NR3C2: variants seen among roughly 807,000 people sequenced by gnomAD.
The protein encoded by NR3C2 is mineralocorticoid receptor.
NR3C2 carries 15 observed loss-of-function variants against 86.4 expected under a neutral mutation model. That is an observed-to-expected ratio of 0.17 (90% CI 0.12 to 0.27). The LOEUF is 0.27. Ranked by LOEUF, NR3C2 falls within the 10% of genes least tolerant of loss-of-function variation. The probability of loss-of-function intolerance (pLI) is 1.00; values close to 1 mark genes in which losing one functional copy is unlikely to be tolerated. For missense variants in NR3C2, 960 were observed against 1,195.6 expected, an observed-to-expected ratio of 0.80 and a Z score of 2.91; for synonymous variants, 458 against 450.5, an observed-to-expected ratio of 1.02 and a Z score of -0.21.
chr4:148,376,395 G>T (rs1746682510), intron 2 of NR3C2, among the ~76,000 whole-genome samples: 1 of 152,192 alleles, frequency 6.6e-6, no homozygotes, highest in African/African-American at 2.4e-5. Context: ...AGGGCTCAGT[G>T]TAGTGCTGCT....
chr4:148,354,521 T>C (rs754443041), intron 2 of NR3C2, among the ~76,000 whole-genome samples: 1 of 152,134 alleles, frequency 6.6e-6, no homozygotes, highest in Non-Finnish European at 1.5e-5. Context: ...CCAATGAAGA[T>C]AAATAATTGA....
rs567400828 is a variant in NR3C2, at chr4:148,352,144, T to C, written c.1757+82960A>G. Among the ~76,000 whole-genome samples, 71 of 152,306 alleles carry C rather than the reference T, an allele frequency of 4.7e-4. 1 individual carries two copies. The highest frequency in any genetic ancestry group is 1.3e-3 in the Admixed American group (20 of 15,296). On this transcript the variant is annotated intron_variant, in intron 2 of 8. Transcript: ENST00000358102. Reference sequence around the variant, plus strand: ...AACAATGAGGATGTATTTTGCGACATAAGTCCTGGGAGAACAGTGTACTAC... The same window carrying C: ...AACAATGAGGATGTATTTTGCGACACAAGTCCTGGGAGAACAGTGTACTAC...
chr4:148,178,968 A>G (rs1735522723), intron 4 of NR3C2, among the ~76,000 whole-genome samples: 2 of 151,472 alleles, frequency 1.3e-5, no homozygotes, highest in South Asian at 4.2e-4. Context: ...CAACAAAACA[A>G]AACAAAGAGA....
At chr4:148,182,180 G>A (rs1735676715) in intron 4 of NR3C2, among the ~76,000 whole-genome samples, 1 of 152,190 alleles carries the variant, frequency 6.6e-6, no homozygotes, top group African/African-American at 2.4e-5. Context: ...TAAGAAAACA[G>A]CGGTGAGATC....
chr4:148,439,129 T>C (rs910417068), intron 1 of NR3C2, among the ~76,000 whole-genome samples: 7 of 152,186 alleles, frequency 4.6e-5, no homozygotes, highest in African/African-American at 7.2e-5. Flanking sequence ...AAACAGTGAA[T>C]TGGGATCCAA....
At chr4:148,418,151 G>A in intron 2 of NR3C2, among the ~76,000 whole-genome samples, 1 of 152,194 alleles carries the variant, frequency 6.6e-6, no homozygotes, top group East Asian at 1.9e-4. Context: ...GTGTTCACAA[G>A]TGAGAAAAGA....
At chr4:148,356,125 T>G (rs1745539252) in intron 2 of NR3C2, among the ~76,000 whole-genome samples, 1 of 152,234 alleles carries the variant, frequency 6.6e-6, no homozygotes, top group Admixed American at 6.5e-5. Context: ...ACTCTCATTA[T>G]GCAAGGGAAT....
intron 3 of NR3C2, among the ~76,000 whole-genome samples, chr4:148,226,905 T>C (rs530635214): frequency 6.6e-6 from 1 of 152,310 alleles, no homozygotes; most frequent in East Asian, 1.9e-4. Flanking sequence ...TTTAAGTCTT[T>C]GGGTAGTATT....
chr4:148,196,819 T>C (rs1291904357), intron 3 of NR3C2, among the ~76,000 whole-genome samples: 7 of 152,142 alleles, frequency 4.6e-5, no homozygotes, highest in African/African-American at 1.7e-4. Flanking sequence ...TTAATGAATA[T>C]GGGTAGGTGT....
intron 3 of NR3C2, among the ~76,000 whole-genome samples, chr4:148,229,150 C>T (rs1738333535): frequency 6.6e-6 from 1 of 152,148 alleles, no homozygotes; most frequent in Non-Finnish European, 1.5e-5. Context: ...AGGGAACCTG[C>T]ACAGGATCTC....
intron 2 of NR3C2, among the ~76,000 whole-genome samples, chr4:148,282,914 G>A (rs573424877): frequency 2.0e-5 from 3 of 152,218 alleles, no homozygotes; most frequent in Admixed American, 6.5e-5. Flanking sequence ...AGGCTATGGC[G>A]GGAAGAATAC....
chr4:148,102,398 A>G (rs1731578106), intron 8 of NR3C2, among the ~76,000 whole-genome samples: 1 of 152,150 alleles, frequency 6.6e-6, no homozygotes, highest in South Asian at 2.1e-4. Flanking sequence ...AGAATGTCCT[A>G]AAGGTCTTTC....
chr4:148,266,216 G>T (rs1407971346), intron 2 of NR3C2, among the ~76,000 whole-genome samples: 1 of 152,178 alleles, frequency 6.6e-6, no homozygotes, highest in East Asian at 1.9e-4. Context: ...GGGACTACAG[G>T]TGTGCGCCAC....
At chr4:148,317,316 T>C (rs1199255079) in intron 2 of NR3C2, among the ~76,000 whole-genome samples, 3 of 149,730 alleles carry the variant, frequency 2.0e-5, no homozygotes, top group African/African-American at 4.9e-5. Context: ...GATCGCACCA[T>C]TGCACTTGAG....
chr4:148,425,924 C>T (rs1023328625), intron 2 of NR3C2, among the ~76,000 whole-genome samples: 26 of 152,174 alleles, frequency 1.7e-4, no homozygotes, highest in Admixed American at 7.2e-4. Flanking sequence ...AGTGCCAAAA[C>T]TCTCACAGTT....
chr4:148,353,050 G>A (rs1013712886), intron 2 of NR3C2, among the ~76,000 whole-genome samples: 1 of 152,032 alleles, frequency 6.6e-6, no homozygotes, highest in Non-Finnish European at 1.5e-5. Flanking sequence ...AAAAAGTGAA[G>A]TACTTACTTT....
At chr4:148,252,123 T>A (rs1561001710) in intron 3 of NR3C2, among the ~76,000 whole-genome samples, 1 of 152,150 alleles carries the variant, frequency 6.6e-6, no homozygotes, top group Non-Finnish European at 1.5e-5. Context: ...TGAGGATAGA[T>A]AATAACCCCA....
Position 148,286,202 on chromosome 4 carries a change from G to T in NR3C2, c.1758-26085C>A, listed in dbSNP as rs1381682589. 3.9e-5 allele frequency among the ~76,000 whole-genome samples: 6 copies of T among 152,142 alleles called. No individual in the cohort carries two copies. The East Asian group carries it at 9.6e-4, about 24-fold the overall frequency. ...AGTTACAGGAATATAATTTTCTGGGGATATGCTAAACCAAGCCCACTGATA... is the reference window on the plus strand; with the variant it reads ...AGTTACAGGAATATAATTTTCTGGGTATATGCTAAACCAAGCCCACTGATA... On this transcript the variant is annotated intron_variant, in intron 2 of 8. Coordinates refer to ENST00000358102, the MANE Select transcript of NR3C2 (RefSeq NM_000901.5).
chr4:148,244,366 C>T (rs1373054049), intron 3 of NR3C2, among the ~76,000 whole-genome samples: 1 of 152,178 alleles, frequency 6.6e-6, no homozygotes, highest in African/African-American at 2.4e-5. Flanking sequence ...TAACCGAAGG[C>T]ACTCCCTCCC....
Sources: allele counts gnomAD v4.1 joint callset (sites outside exome capture counted in the v4.1 genomes callset), GRCh38; gene constraint gnomAD v4.1.1; transcripts MANE v1.5; gene names NCBI Gene and HGNC (gene_info 2026-07-23, HGNC 2026-07-21).